The following PARD3 variants were observed in gnomAD, a reference collection of about 807,000 sequenced individuals.
PARD3 encodes par-3 family cell polarity regulator, also known as partitioning defective 3 homolog.
A neutral mutation model predicts 155.4 loss-of-function variants in PARD3; 75 were observed. That is an observed-to-expected ratio of 0.48 (90% CI 0.40 to 0.58). The LOEUF is 0.58. Ranked by LOEUF, PARD3 falls within the 20% of genes least tolerant of loss-of-function variation. PARD3 has a pLI of 0.00. For missense variants in PARD3, 1,642 were observed against 1,721.7 expected (o/e 0.95, Z 0.82); for synonymous variants, 576 against 610.5 (o/e 0.94, Z 0.83).
intron 1 of PARD3, among the ~76,000 whole-genome samples, chr10:34,729,021 A>G (rs569263315): frequency 2.4e-4 from 36 of 152,304 alleles, no homozygotes; most frequent in African/African-American, 7.0e-4. Flanking sequence ...GGACAGTAAC[A>G]GGCTGTACAG....
intron 9 of PARD3, among the ~76,000 whole-genome samples, chr10:34,381,018 G>C (rs1229223415): frequency 1.3e-5 from 2 of 152,168 alleles, no homozygotes; most frequent in African/African-American, 4.8e-5. Context: ...ATATGACTCT[G>C]TGTTTGCAAC....
intron 3 of PARD3, among the ~76,000 whole-genome samples, chr10:34,501,998 C>A (rs2080747259): frequency 6.6e-6 from 1 of 152,128 alleles, no homozygotes; most frequent in South Asian, 2.1e-4. Flanking sequence ...GTTTGCTCCT[C>A]CCACCATGTA....
chr10:34,544,311 A>T (rs1041944372), intron 2 of PARD3, among the ~76,000 whole-genome samples: 6 of 152,224 alleles, frequency 3.9e-5, no homozygotes, highest in African/African-American at 1.4e-4. Flanking sequence ...GATGCTATCA[A>T]AATCCTCAAA....
chr10:34,536,027 G>T (rs1165774183), intron 2 of PARD3, among the ~76,000 whole-genome samples: 1 of 152,040 alleles, frequency 6.6e-6, no homozygotes, highest in Non-Finnish European at 1.5e-5. Flanking sequence ...AGTGTATTCT[G>T]TCAATCAAGA....
At chr10:34,347,026 C>T (rs1271122785) in intron 15 of PARD3, among the ~76,000 whole-genome samples, 1 of 152,154 alleles carries the variant, frequency 6.6e-6, no homozygotes, top group African/African-American at 2.4e-5. Flanking sequence ...TCCATAAACA[C>T]CCACTGATGA....
intron 16 of PARD3, among the ~76,000 whole-genome samples, chr10:34,338,797 G>C (rs1010536930): frequency 6.6e-6 from 1 of 152,188 alleles, no homozygotes; most frequent in Non-Finnish European, 1.5e-5. Flanking sequence ...AGCTCATTAT[G>C]TATTAAATAT....
intron 1 of PARD3, among the ~76,000 whole-genome samples, chr10:34,700,615 T>C (rs2094256792): frequency 6.6e-6 from 1 of 152,230 alleles, no homozygotes; most frequent in Non-Finnish European, 1.5e-5. Flanking sequence ...TTTGAGTATT[T>C]ACTACATGCA....
At chr10:34,239,753 A>G (rs1394659790) in intron 22 of PARD3, among the ~76,000 whole-genome samples, 3 of 151,786 alleles carry the variant, frequency 2.0e-5, no homozygotes, top group African/African-American at 7.3e-5. Context: ...CAGTGAGCCA[A>G]TAACGCGCCA....
At chr10:34,536,196 A>C (rs1418657684) in intron 2 of PARD3, among the ~76,000 whole-genome samples, 1 of 152,200 alleles carries the variant, frequency 6.6e-6, no homozygotes, top group Non-Finnish European at 1.5e-5. Context: ...GTAGGACTTC[A>C]GTATAACAAA....
chr10:34,649,682 C>T (rs2092949048), intron 2 of PARD3, among the ~76,000 whole-genome samples: 1 of 152,178 alleles, frequency 6.6e-6, no homozygotes, highest in Non-Finnish European at 1.5e-5. Context: ...ACACTGCATG[C>T]TTAGGCTACA....
intron 2 of PARD3, among the ~76,000 whole-genome samples, chr10:34,562,364 G>T (rs1016377083): frequency 6.6e-6 from 1 of 151,932 alleles, no homozygotes; most frequent in African/African-American, 2.4e-5. Flanking sequence ...TTGAACCAGG[G>T]AGTCAGAGGT....
intron 22 of PARD3, among the ~76,000 whole-genome samples, chr10:34,253,491 T>A (rs987632940): frequency 3.3e-5 from 5 of 152,220 alleles, no homozygotes; most frequent in Non-Finnish European, 5.9e-5. Context: ...CCCACAGTGA[T>A]GAGCCACGGT....
At chr10:34,726,180 G>A (rs1590834780) in intron 1 of PARD3, among the ~76,000 whole-genome samples, 1 of 152,204 alleles carries the variant, frequency 6.6e-6, no homozygotes, top group Non-Finnish European at 1.5e-5. Context: ...CTTTGGCCAG[G>A]CACGATGGCT....
intron 3 of PARD3, among the ~76,000 whole-genome samples, chr10:34,505,146 T>G (rs940063740): frequency 6.6e-6 from 1 of 152,262 alleles, no homozygotes; most frequent in African/African-American, 2.4e-5. Flanking sequence ...TTACTACCAT[T>G]TGGAAATGGG....
intron 3 of PARD3, among the ~76,000 whole-genome samples, chr10:34,505,083 G>C (rs2080973558): frequency 6.6e-6 from 1 of 152,084 alleles, no homozygotes; most frequent in Non-Finnish European, 1.5e-5. Flanking sequence ...ATCTAATCTT[G>C]GCAAATACAA....
At chr10:34,229,380 C>A (rs1952793886) in intron 22 of PARD3, among the ~76,000 whole-genome samples, 1 of 151,920 alleles carries the variant, frequency 6.6e-6, no homozygotes. Flanking sequence ...CCACTATGCG[C>A]AGCTAATTTT....
At chr10:34,590,607 G>T (rs111605153) in intron 2 of PARD3, among the ~76,000 whole-genome samples, 1 of 152,142 alleles carries the variant, frequency 6.6e-6, no homozygotes, top group Non-Finnish European at 1.5e-5. Flanking sequence ...GTTAGCCAAA[G>T]GAGAGGTCAC....
intron 2 of PARD3, among the ~76,000 whole-genome samples, chr10:34,669,974 T>C (rs142081795): frequency 1.4e-4 from 21 of 152,330 alleles, no homozygotes; most frequent in Non-Finnish European, 2.2e-4. Context: ...GAAAAGGTCA[T>C]TCAAAGTTAG....
At chr10:34,656,454 C>T (rs1414531509) in intron 2 of PARD3, among the ~76,000 whole-genome samples, 1 of 152,160 alleles carries the variant, frequency 6.6e-6, no homozygotes, top group Non-Finnish European at 1.5e-5. Context: ...AGGAGAGTGA[C>T]GTGCATTTCA....
Sources: gnomAD v4.1 joint callset for allele counts (sites outside exome capture counted in the v4.1 genomes callset) on GRCh38, gnomAD v4.1.1 for gene constraint, MANE v1.5 for transcripts, NCBI Gene and HGNC (gene_info 2026-07-23, HGNC 2026-07-21) for gene names.